Variants in BRDT observed in about 807,000 individuals in gnomAD.
The protein encoded by BRDT is bromodomain testis-specific protein.
BRDT carries 77 observed loss-of-function variants against 113.9 expected under a neutral mutation model. The ratio of observed to expected loss-of-function variants is 0.68; its 90% confidence interval spans 0.56 to 0.82. BRDT has a LOEUF of 0.82. Among genes scored for constraint, BRDT ranks in the 40% least tolerant of loss-of-function variants. The pLI, the probability that BRDT is intolerant of heterozygous loss-of-function variation, is 0.00. For missense variants in BRDT, 1,027 were observed against 1,105.4 expected, an observed-to-expected ratio of 0.93 and a Z score of 1.01; for synonymous variants, 358 against 366.5, an observed-to-expected ratio of 0.98 and a Z score of 0.26.
rs780616982 is a variant in BRDT, at chr1:91,980,595, T to C, written c.1288-48T>C. ...TGGCTTGATTTTTTTCTAGTTTCTT[T>C]AATTATTTAGAGACATGAATGTTTA... On this transcript the variant is annotated intron_variant, in intron 8 of 18. Transcript: ENST00000399546. 3 of 1,346,480 alleles carry C rather than the reference T, an allele frequency of 2.2e-6. No individual in the cohort carries two copies. In the East Asian group the frequency reaches 8.0e-5, roughly 36 times the overall value. 83.4% of individuals were successfully genotyped at this position (1,346,480 alleles called of 1,614,324 possible). A position where few individuals can be genotyped will look rare whatever the true frequency, so the allele number is the denominator to read the frequency against.
Position 91,992,247 on chromosome 1 carries a change from T to G in BRDT, c.2065-17T>G, listed in dbSNP as rs1318908771. The G allele has an allele frequency of 1.5e-6, 2 of 1,341,302 alleles. No individual in the cohort carries two copies. The highest frequency in any genetic ancestry group is 5.1e-5 in the East Asian group (2 of 38,838). 83.1% of individuals were successfully genotyped at this position (1,341,302 alleles called of 1,614,324 possible). A position where few individuals can be genotyped will look rare whatever the true frequency, so the allele number is the denominator to read the frequency against. On this transcript the variant is annotated splice_polypyrimidine_tract_variant and intron_variant, in intron 13 of 18. Coordinates refer to ENST00000399546, the MANE Select transcript of BRDT (RefSeq NM_207189.4). ...AGATAATATGATTAATGCTATAATC[T>G]ATATAATTATTTTTAGAAAATGAAG... is the stretch of plus-strand genomic sequence containing the variant.
chr1:91,993,791 C>T (rs1686017194), intron 14 of BRDT, among the ~76,000 whole-genome samples: 1 of 152,202 alleles, frequency 6.6e-6, no homozygotes, highest in East Asian at 1.9e-4. Context: ...TAATAATATA[C>T]ATGTATACTC....
chr1:92,001,104 G>A (rs1570627784), intron 15 of BRDT, among the ~76,000 whole-genome samples: 1 of 152,206 alleles, frequency 6.6e-6, no homozygotes, highest in African/African-American at 2.4e-5. Flanking sequence ...CACCCAGGCA[G>A]CATCTTTCCC....
chr1:92,009,730 AT>A (rs774285316), intron 18 of BRDT, among the ~76,000 whole-genome samples: 9 of 100,460 alleles, frequency 9.0e-5, no homozygotes, highest in Middle Eastern at 6.3e-3. Context: ...TTTATTTTTT[AT>A]TTTATTTATT....
At chr1:91,958,388 G>A (rs925313579) in intron 1 of BRDT, among the ~76,000 whole-genome samples, 3 of 151,496 alleles carry the variant, frequency 2.0e-5, no homozygotes, top group Non-Finnish European at 2.9e-5. Context: ...GCTAGTTTTC[G>A]TGTTTTTAGT....
At chr1:91,974,439 G>GA (rs947854401) in intron 4 of BRDT, among the ~76,000 whole-genome samples, 3 of 151,986 alleles carry the variant, frequency 2.0e-5, no homozygotes, top group South Asian at 4.2e-4. Context: ...TGATTTACAA[G>GA]AAAAAAACAA....
intron 4 of BRDT, among the ~76,000 whole-genome samples, chr1:91,971,204 A>T (rs1404630504): frequency 1.3e-5 from 2 of 152,076 alleles, no homozygotes; most frequent in Non-Finnish European, 2.9e-5. Flanking sequence ...CAAGAGATTC[A>T]TGAGGGATCC....
intron 1 of BRDT, among the ~76,000 whole-genome samples, chr1:91,961,008 G>GT (rs1446056359): frequency 1.3e-5 from 2 of 152,118 alleles, no homozygotes; most frequent in Admixed American, 6.6e-5. Flanking sequence ...AATAAATTCG[G>GT]TTTTAAAATA....
chr1:91,981,811 T>C lies in BRDT; in HGVS notation c.2002+56T>C, dbSNP rs138805329. 192 of 1,477,128 alleles carry C rather than the reference T, an allele frequency of 1.3e-4. No homozygotes were observed. The East Asian group carries it at 4.6e-3, about 36-fold the overall frequency. The allele number at this position is 1,477,128 out of a possible 1,614,324, so 91.5% of individuals were successfully genotyped here. On this transcript the variant is annotated intron_variant, in intron 12 of 18. Coordinates refer to ENST00000399546, the MANE Select transcript of BRDT (RefSeq NM_207189.4). ...GATGGGAGCACTTTTTTTCCTGTAA[T>C]ATTGATTTATATTTTGAAGAAATAT...
intron 1 of BRDT, among the ~76,000 whole-genome samples, chr1:91,953,293 A>G (rs566798027): frequency 6.6e-6 from 1 of 152,306 alleles, no homozygotes; most frequent in African/African-American, 2.4e-5. Flanking sequence ...CAAGCTCTTT[A>G]GTTCTATGCT....
At position 92,005,301 on chromosome 1, in the gene BRDT, T is replaced by C. The variant is rs776442818; in HGVS notation, c.2775+2T>C. ...CAAGAGAGGAGGAGGAGAGAAGCAGTAAGTGAATTTTAGTTTACTAAATCT... is the reference window on the plus strand; with the variant it reads ...CAAGAGAGGAGGAGGAGAGAAGCAGCAAGTGAATTTTAGTTTACTAAATCT... On this transcript the variant is annotated splice_donor_variant, in intron 18 of 18. Transcript: ENST00000399546. LOFTEE classifies it high-confidence loss of function. 2.3e-5 allele frequency: 36 copies of C among 1,533,370 alleles called. No individual in the cohort carries two copies. The highest frequency in any genetic ancestry group is 3.1e-5 in the Non-Finnish European group (36 of 1,147,890). The allele number at this position is 1,533,370 out of a possible 1,614,324, so 95.0% of individuals were successfully genotyped here.
In BRDT at chr1:91,962,913, A is replaced by G; in HGVS notation, c.159A>G (p.Gln53=). Residue 53 remains glutamine, a synonymous_variant, in exon 2 of 19, where the codon CAA becomes CAG. Coordinates refer to ENST00000399546, the MANE Select transcript of BRDT (RefSeq NM_207189.4). ...LWKHSFSWPF[Q]RPVDAVKLQL... is the part of the protein sequence containing the mutation. ...AGCATAGTTTTTCATGGCCCTTTCAACGTCCTGTGGATGCTGTGAAACTAC... is the reference window on the plus strand; with the variant it reads ...AGCATAGTTTTTCATGGCCCTTTCAGCGTCCTGTGGATGCTGTGAAACTAC... 1 of 1,610,418 alleles carries G rather than the reference A, an allele frequency of 6.2e-7. No homozygotes were observed. The highest frequency in any genetic ancestry group is 8.5e-7 in the Non-Finnish European group (1 of 1,178,496).
rs146254165 is a variant in BRDT at position 91,953,834 on chromosome 1, A to G, written c.-38+4152A>G. On this transcript the variant is annotated intron_variant, in intron 1 of 18. Coordinates refer to ENST00000399546, the MANE Select transcript of BRDT (RefSeq NM_207189.4). ...AAAGTGAACTGAACTTTTCATTATCATTTATGATACATTGTTTTTGAACAG... is the reference window on the plus strand; with the variant it reads ...AAAGTGAACTGAACTTTTCATTATCGTTTATGATACATTGTTTTTGAACAG... Among the ~76,000 whole-genome samples the G allele has an allele frequency of 2.8e-3, 430 of 152,292 alleles. 1 individual carries two copies. The highest frequency in any genetic ancestry group is 6.8e-3 in the Middle Eastern group (2 of 294).
intron 12 of BRDT, among the ~76,000 whole-genome samples, chr1:91,986,623 G>A (rs1685264136): frequency 6.6e-6 from 1 of 152,114 alleles, no homozygotes; most frequent in Non-Finnish European, 1.5e-5. Context: ...AAATTTATAA[G>A]TTCTTTAAAT....
intron 18 of BRDT, among the ~76,000 whole-genome samples, chr1:92,012,096 G>T (rs538992811): frequency 6.6e-6 from 1 of 152,260 alleles, no homozygotes; most frequent in African/African-American, 2.4e-5. Context: ...ATAACTGGAA[G>T]TTAGGAGTTC....
chr1:91,950,950 A>C (rs546592651), intron 1 of BRDT: 1 of 151,882 alleles, frequency 6.6e-6, no homozygotes, highest in South Asian at 2.1e-4. Flanking sequence ...GCTTGAACCC[A>C]GGAGGAAGTG....
chr1:91,960,497 A>T (rs1011401432), intron 1 of BRDT, among the ~76,000 whole-genome samples: 1 of 152,240 alleles, frequency 6.6e-6, no homozygotes, highest in Non-Finnish European at 1.5e-5. Flanking sequence ...AGTCAAATTC[A>T]TGGCAACAGA....
At chr1:91,972,749 A>C (rs1366950596) in intron 4 of BRDT, among the ~76,000 whole-genome samples, 1 of 152,210 alleles carries the variant, frequency 6.6e-6, no homozygotes, top group South Asian at 2.1e-4. Context: ...GAGTTCAAAG[A>C]GCAACAGTTG....
chr1:91,997,313 T>C (rs1686438704), intron 15 of BRDT, among the ~76,000 whole-genome samples: 1 of 152,210 alleles, frequency 6.6e-6, no homozygotes, highest in African/African-American at 2.4e-5. Flanking sequence ...GTAGTGAATG[T>C]AAAGCATTCT....
Sources: gnomAD v4.1 joint callset for allele counts (sites outside exome capture counted in the v4.1 genomes callset) on GRCh38, gnomAD v4.1.1 for gene constraint, MANE v1.5 for transcripts, NCBI Gene and HGNC (gene_info 2026-07-23, HGNC 2026-07-21) for gene names.